The following RFX4 variants were observed in gnomAD, a reference collection of about 807,000 sequenced individuals.
RFX4 encodes the protein regulatory factor X4.
RFX4 carries 10 observed loss-of-function variants against 95.0 expected under a neutral mutation model. The observed-to-expected ratio is 0.11, with a 90% CI of 0.06 to 0.18. The LOEUF (loss-of-function observed/expected upper bound fraction) is 0.18, where lower values mean the gene tolerates loss of function less well. RFX4 is among the 10% of genes least tolerant of loss of function. The pLI is 1.00. For synonymous variants in RFX4, 321 were observed against 340.7 expected (o/e 0.94, Z 0.64); for missense variants, 640 against 922.0 (o/e 0.69, Z 3.96).
intron 17 of RFX4, among the ~76,000 whole-genome samples, chr12:106,758,184 C>T (rs1371156812): frequency 1.3e-5 from 2 of 152,070 alleles, no homozygotes; most frequent in Non-Finnish European, 2.9e-5. Context: ...AGAGGTGAGG[C>T]GGGTGCCACG....
chr12:106,724,869 G>A (rs766997271), intron 13 of RFX4, among the ~76,000 whole-genome samples: 38 of 151,970 alleles, frequency 2.5e-4, no homozygotes, highest in Non-Finnish European at 5.3e-4. Flanking sequence ...AAAATTAGCC[G>A]GGTGTGGTGG....
At position 106,641,983 on chromosome 12, in the gene RFX4, CTA is replaced by C. The variant is rs202239542; in HGVS notation, c.191+2595_191+2596del. On this transcript the variant is annotated intron_variant, in intron 3 of 17. Coordinates refer to ENST00000392842, the MANE Select transcript of RFX4 (RefSeq NM_213594.3). ...TATCTATATCTATCTATATCTATAT[CTA>C]TATCTATATCTATATCTATATCTAT... 7.2e-3 allele frequency among the ~76,000 whole-genome samples: 1,036 copies of C among 144,048 alleles called. 15 individuals are homozygous for C. The highest frequency in any genetic ancestry group is 0.028 in the African/African-American group (993 of 36,104). 94.5% of individuals were successfully genotyped at this position (144,048 alleles called of 152,430 possible).
chr12:106,667,198 T>C (rs2041194446), intron 4 of RFX4, among the ~76,000 whole-genome samples: 1 of 152,188 alleles, frequency 6.6e-6, no homozygotes, highest in African/African-American at 2.4e-5. Context: ...GATATTTCCC[T>C]TCTTTCACAT....
At chr12:106,696,212 G>A in intron 7 of RFX4, 71 bp from the exon 8 acceptor site, 21 of 1,571,808 alleles carry the variant, frequency 1.3e-5, no homozygotes, top group Non-Finnish European at 1.8e-5. Flanking sequence ...GTTGGCCTTG[G>A]TGGAGTCCCA....
At chr12:106,700,571 T>A (rs897919562) in intron 8 of RFX4, among the ~76,000 whole-genome samples, 1 of 151,288 alleles carries the variant, frequency 6.6e-6, no homozygotes, top group Non-Finnish European at 1.5e-5. Flanking sequence ...CACGCCCGGC[T>A]AATTTTTTGT....
At chr12:106,607,139 AAGCCTGC>A (rs1452375101) in intron 1 of RFX4, among the ~76,000 whole-genome samples, 1 of 152,170 alleles carries the variant, frequency 6.6e-6, no homozygotes, top group Non-Finnish European at 1.5e-5. Flanking sequence ...CACTGTCCAA[AAGCCTGC>A]AGCCATAGGT....
chr12:106,684,967 C>G, intron 5 of RFX4: 2 of 1,602,772 alleles, frequency 1.2e-6, no homozygotes, highest in Non-Finnish European at 1.7e-6. Context: ...CATCTCTTCC[C>G]TCCTCGCAAA....
At chr12:106,731,054 A>G (rs1198474538) in intron 13 of RFX4, among the ~76,000 whole-genome samples, 1 of 152,146 alleles carries the variant, frequency 6.6e-6, no homozygotes, top group African/African-American at 2.4e-5. Context: ...AAAAGCAAAC[A>G]GTATACTGGT....
At chr12:106,606,707 C>T (rs2137197188) in intron 1 of RFX4, among the ~76,000 whole-genome samples, 1 of 152,244 alleles carries the variant, frequency 6.6e-6, no homozygotes, top group South Asian at 2.1e-4. Flanking sequence ...ACAAGCTGGC[C>T]CTTGTTCTTC....
chr12:106,594,672 G>T, intron 1 of RFX4, among the ~76,000 whole-genome samples: 1 of 152,110 alleles, frequency 6.6e-6, no homozygotes, highest in Non-Finnish European at 1.5e-5. Flanking sequence ...GGCCGGCTGA[G>T]CCTTGAGCGC....
chr12:106,606,542 C>T (rs1000448900), intron 1 of RFX4, among the ~76,000 whole-genome samples: 6 of 152,188 alleles, frequency 3.9e-5, no homozygotes, highest in Admixed American at 2.0e-4. Context: ...AGTGTGATGA[C>T]AGACACCTAC....
At chr12:106,739,822 C>A (rs1374290417) in intron 15 of RFX4, among the ~76,000 whole-genome samples, 3 of 152,146 alleles carry the variant, frequency 2.0e-5, no homozygotes, top group Non-Finnish European at 4.4e-5. Context: ...TCCCTCATGA[C>A]CTGGCAAAGT....
In RFX4 at chr12:106,708,043, A is replaced by G. The variant is rs146858347; in HGVS notation, c.834-1287A>G. On this transcript the variant is annotated intron_variant, in intron 8 of 17. Coordinates refer to ENST00000392842, the MANE Select transcript of RFX4 (RefSeq NM_213594.3). ...CAGCTACTCAGGAGGCTGAGGCACGAGAGTCATTTGAACCTGGGAGCCGGA... is the reference window on the plus strand; with the variant it reads ...CAGCTACTCAGGAGGCTGAGGCACGGGAGTCATTTGAACCTGGGAGCCGGA... Among the ~76,000 whole-genome samples the G allele has an allele frequency of 7.1e-4, 108 of 152,322 alleles. 2 individuals are homozygous for G. In the East Asian group the frequency reaches 0.02, roughly 29 times the overall value.
chr12:106,595,481 G>C (rs2039605571), intron 1 of RFX4, among the ~76,000 whole-genome samples: 1 of 152,342 alleles, frequency 6.6e-6, no homozygotes, highest in African/African-American at 2.4e-5. Context: ...GCAGCAGGCT[G>C]CTGAGGATGC....
rs34226201 is a variant in RFX4, at chr12:106,614,477, C to CTGTGTGTGTGTG, written c.130+5626_130+5637dup. 5.5e-3 allele frequency among the ~76,000 whole-genome samples: 701 copies of CTGTGTGTGTGTG among 127,844 alleles called. 6 individuals carry two copies. Among genetic ancestry groups the CTGTGTGTGTGTG allele is most frequent in the East Asian group, 8.1e-3 (32 of 3,954 alleles). The allele number at this position is 127,844 out of a possible 152,430, so 83.9% of individuals were successfully genotyped here. A position where few individuals can be genotyped will look rare whatever the true frequency, so the allele number is the denominator to read the frequency against. On this transcript the variant is annotated intron_variant, in intron 2 of 17. Transcript: ENST00000392842. ...CCCGGCCCTTCTTCACGTCTTTTGC[C>CTGTGTGTGTGTG]TGTGTGTGTGTGTGTGTGTGTGTGT...
chr12:106,686,840 T>TG, intron 5 of RFX4, 44 bp from the exon 6 acceptor site: 1 of 214,704 alleles, frequency 4.7e-6, no homozygotes, highest in Non-Finnish European at 6.5e-6. Flanking sequence ...GGTCTCTCTC[T>TG]TTTTTTTTTT....
intron 5 of RFX4, chr12:106,684,664 A>T: frequency 6.9e-7 from 1 of 1,442,640 alleles, no homozygotes; most frequent in Non-Finnish European, 9.1e-7. Flanking sequence ...TCCCACCTGA[A>T]GCCACCGGAA....
At chr12:106,736,162 A>C (rs1040384434) in intron 15 of RFX4, among the ~76,000 whole-genome samples, 1 of 152,188 alleles carries the variant, frequency 6.6e-6, no homozygotes, top group Non-Finnish European at 1.5e-5. Context: ...CACAACAGAA[A>C]TCTATTTCAT....
rs1200433895 is a variant in RFX4 at position 106,715,413 on chromosome 12, T to C, written c.1007T>C (p.Val336Ala). The C allele has an allele frequency of 6.2e-7, 1 of 1,614,096 alleles. No homozygotes were observed. The highest frequency in any genetic ancestry group is 8.5e-7 in the Non-Finnish European group (1 of 1,179,994). ...ATTGGATTATAGGCATCTCGAACAG[T>C]GATCCACAGTGCAGACATCACGTTC... ...LNHLCQASRT[V>A]IHSADITFQM... The change falls in exon 11 of 18, where the codon GTG becomes GCG. Residue 336 changes from valine (V) to alanine (A), a missense_variant. Physicochemically the swap from Val to Ala is moderately conservative, Grantham distance 64. Coordinates refer to ENST00000392842, the MANE Select transcript of RFX4 (RefSeq NM_213594.3).
Sources: allele counts gnomAD v4.1 joint callset (sites outside exome capture counted in the v4.1 genomes callset), GRCh38; gene constraint gnomAD v4.1.1; transcripts MANE v1.5; gene names NCBI Gene and HGNC (gene_info 2026-07-23, HGNC 2026-07-21).